NUP42: variants seen among roughly 807,000 people sequenced by gnomAD.
NUP42 encodes nucleoporin 42, also known as nucleoporin NUP42.
Under a neutral mutation model 35.9 loss-of-function variants are expected in NUP42, and 47 were observed. That is an observed-to-expected ratio of 1.31 (90% confidence interval 1.04 to 1.67). The LOEUF (loss-of-function observed/expected upper bound fraction) is 1.67. Among genes scored for constraint, NUP42 ranks in the 40% most tolerant of loss-of-function variants. The probability of loss-of-function intolerance (pLI) is 0.00; values close to 1 mark genes in which losing one functional copy is unlikely to be tolerated. For missense variants in NUP42, 514 were observed against 492.2 expected (o/e 1.04, Z -0.42); for synonymous variants, 173 against 173.3 (o/e 1.00, Z 0.01).
intron 2 of NUP42, among the ~76,000 whole-genome samples, chr7:23,186,392 T>C (rs1324999359): frequency 6.6e-6 from 1 of 152,212 alleles, no homozygotes; most frequent in African/African-American, 2.4e-5. Flanking sequence ...TTAATACAGT[T>C]TTCTCTGTGA....
rs370909417 is a variant in NUP42 at position 23,195,930 on chromosome 7, T to G, written c.522+15T>G. 4 of 1,514,278 alleles carry G rather than the reference T, an allele frequency of 2.6e-6. No individual in the cohort carries two copies. The African/African-American group carries it at 5.5e-5, about 21-fold the overall frequency. The allele number at this position is 1,514,278 out of a possible 1,614,324, so 93.8% of individuals were successfully genotyped here. A position where few individuals can be genotyped will look rare whatever the true frequency, so the allele number is the denominator to read the frequency against. ...TACAGAGTTATGTAAGTTTGTTTCC[T>G]ATTAATCTACTGCAATAACAGATGA... On this transcript the variant is annotated intron_variant, in intron 4 of 6. Transcript: ENST00000258742.
chr7:23,198,983 A>C (rs1226218298), intron 5 of NUP42, among the ~76,000 whole-genome samples: 2 of 152,186 alleles, frequency 1.3e-5, no homozygotes, highest in Non-Finnish European at 2.9e-5. Context: ...ACTAATGTAC[A>C]TTTTTTATGC....
chr7:23,195,116 G>A (rs535932856), intron 3 of NUP42: 2 of 152,244 alleles, frequency 1.3e-5, no homozygotes, highest in African/African-American at 2.4e-5. Flanking sequence ...CCTATAAATT[G>A]TATTATAAGT....
In NUP42 at chr7:23,200,364, G is replaced by A. The variant is rs776565063; in HGVS notation, c.891G>A (p.Ser297=). The part of the protein sequence containing the change: ...AFGFGKPEVT[S]AASFSFKSPA... ...GATTTGGGAAGCCTGAAGTCACATC[G>A]GCTGCATCATTTTCATTCAAAAGCC... The change falls in exon 7 of 7, where the codon TCG becomes TCA. Residue 297 remains serine, a synonymous_variant. Coordinates refer to ENST00000258742, the MANE Select transcript of NUP42 (RefSeq NM_007342.3). 1.6e-5 allele frequency: 26 copies of A among 1,613,090 alleles called. No individual in the cohort carries two copies. The highest frequency in any genetic ancestry group is 6.6e-5 in the South Asian group (6 of 90,978).
At position 23,185,069 on chromosome 7, in the gene NUP42, G is replaced by C. The variant is rs926004674; in HGVS notation, c.122-1G>C. 3.7e-6 allele frequency: 6 copies of C among 1,601,058 alleles called. No individual in the cohort carries two copies. Among genetic ancestry groups the C allele is most frequent in the Non-Finnish European group, 5.1e-6 (6 of 1,174,440 alleles). ...TTATTTTGTTTTATTGTTTATTTTA[G>C]GTAATAATAGACGTGGATGGAATAC... is the stretch of plus-strand genomic sequence containing the variant. On this transcript the variant is annotated splice_acceptor_variant, in intron 1 of 6. Transcript: ENST00000258742. LOFTEE classifies it high-confidence loss of function.
chr7:23,200,374 T>C lies in NUP42; in HGVS notation c.901T>C (p.Phe301Leu). Residue 301 changes from phenylalanine (F) to leucine (L), a missense_variant, in exon 7 of 7, where the codon TTT (phenylalanine) becomes CTT (leucine). Coordinates refer to ENST00000258742, the MANE Select transcript of NUP42 (RefSeq NM_007342.3). ...GKPEVTSAAS[F>L]SFKSPAASSF... Reference sequence around the variant, plus strand: ...GCCTGAAGTCACATCGGCTGCATCATTTTCATTCAAAAGCCCTGCAGCTTC... The same window carrying C: ...GCCTGAAGTCACATCGGCTGCATCACTTTCATTCAAAAGCCCTGCAGCTTC... The C allele has an allele frequency of 1.2e-6, 2 of 1,614,018 alleles. No individual in the cohort carries two copies. The highest frequency in any genetic ancestry group is 1.7e-6 in the Non-Finnish European group (2 of 1,179,952).
At chr7:23,196,582 T>C (rs1249393562) in intron 4 of NUP42, 98 bp from the exon 5 acceptor site, 2 of 873,946 alleles carry the variant, frequency 2.3e-6, no homozygotes, top group Non-Finnish European at 3.7e-6. Flanking sequence ...TACATAAACC[T>C]TTTGTGATTT....
At chr7:23,198,279 C>G (rs1786087797) in intron 5 of NUP42, 2 of 131,440 alleles carry the variant, frequency 1.5e-5, no homozygotes, top group African/African-American at 6.1e-5. Flanking sequence ...GTGGTGCCAT[C>G]TCAGCTCACT....
intron 3 of NUP42, chr7:23,188,038 A>G: frequency 7.2e-7 from 1 of 1,390,668 alleles, no homozygotes; most frequent in Non-Finnish European, 9.5e-7. Context: ...CATAGTCCCT[A>G]AGCCCTTTCT....
intron 1 of NUP42, among the ~76,000 whole-genome samples, chr7:23,183,612 C>T (rs10251439): frequency 2.0e-5 from 3 of 152,032 alleles, no homozygotes; most frequent in African/African-American, 7.3e-5. Context: ...CACAATTAAT[C>T]TAGTGAAATA....
intron 3 of NUP42, among the ~76,000 whole-genome samples, chr7:23,190,492 A>G (rs1007690405): frequency 1.3e-5 from 2 of 152,250 alleles, no homozygotes; most frequent in Non-Finnish European, 1.5e-5. Context: ...TTTTCATTTC[A>G]AATGTGGTAA....
chr7:23,197,069 G>T (rs996134986), intron 5 of NUP42: 1 of 502,000 alleles, frequency 2.0e-6, no homozygotes, highest in Non-Finnish European at 3.4e-6. Context: ...AAGGTTATCT[G>T]TATGTAAAAA....
rs750501148 is a variant in NUP42, at chr7:23,185,086, A to T, written c.138A>T (p.Gly46=). 6.2e-7 allele frequency: 1 copy of T among 1,612,986 alleles called. No individual in the cohort carries two copies. The highest frequency in any genetic ancestry group is 8.5e-7 in the Non-Finnish European group (1 of 1,179,330). ...QQQPSGNNRR[G]WNTTSQRYSN... Reference sequence around the variant, plus strand: ...TTATTTTAGGTAATAATAGACGTGGATGGAATACAACTAGCCAGAGATATT... The same window carrying T: ...TTATTTTAGGTAATAATAGACGTGGTTGGAATACAACTAGCCAGAGATATT... Residue 46 remains glycine (G), a synonymous_variant, in exon 2 of 7, where the codon GGA becomes GGT. Coordinates refer to ENST00000258742, the MANE Select transcript of NUP42 (RefSeq NM_007342.3).
intron 5 of NUP42, 55 bp from the exon 6 acceptor site, chr7:23,199,403 A>T: frequency 7.2e-7 from 1 of 1,384,414 alleles, no homozygotes; most frequent in Non-Finnish European, 1.0e-6. Flanking sequence ...TATAGAAAAG[A>T]TACTGGAGCA....
Position 23,187,039 on chromosome 7 carries a change from TTC to T in NUP42, c.351-11_351-10del. ...AAGATCCTTTACTCTTTTTTTTTTTTTCTTTTTTGCAGGGAAGGAATTGTAAA... is the reference window on the plus strand; with the variant it reads ...AAGATCCTTTACTCTTTTTTTTTTTTTTTTTTGCAGGGAAGGAATTGTAAA... On this transcript the variant is annotated splice_polypyrimidine_tract_variant and intron_variant, in intron 2 of 6. Coordinates refer to ENST00000258742, the MANE Select transcript of NUP42 (RefSeq NM_007342.3). The T allele has an allele frequency of 3.2e-6, 5 of 1,546,184 alleles. No homozygotes were observed. The highest frequency in any genetic ancestry group is 1.2e-5 in the South Asian group (1 of 81,400).
rs980382964 is a variant in NUP42 at position 23,195,765 on chromosome 7, G to C, written c.446-74G>C. On this transcript the variant is annotated intron_variant, in intron 3 of 6. Transcript: ENST00000258742. ...TCTAATCAACATTAGATATTTTCTT[G>C]TTTAGCACCTCTAGCTTTACTATCA... 6 of 919,960 alleles carry C rather than the reference G, an allele frequency of 6.5e-6. No individual in the cohort carries two copies. The African/African-American group carries it at 8.5e-5, about 13-fold the overall frequency. The allele number at this position is 919,960 out of a possible 1,614,324, so 57.0% of individuals were successfully genotyped here. A position where few individuals can be genotyped will look rare whatever the true frequency, so the allele number is the denominator to read the frequency against.
At chr7:23,197,287 T>G (rs779111142) in intron 5 of NUP42, 85 of 947,816 alleles carry the variant, frequency 9.0e-5, no homozygotes, top group Non-Finnish European at 1.2e-4. Context: ...ATTAAAAAGT[T>G]CTTAAGAATT....
chr7:23,196,494 A>G, intron 4 of NUP42, 186 bp from the exon 5 acceptor site: 1 of 541,140 alleles, frequency 1.8e-6, no homozygotes, highest in South Asian at 2.2e-5. Context: ...TGAACGGGAG[A>G]GGGAACTGGA....
intron 6 of NUP42, among the ~76,000 whole-genome samples, 168 bp from the exon 7 acceptor site, chr7:23,200,000 A>G (rs1786153878): frequency 6.6e-6 from 1 of 152,210 alleles, no homozygotes; most frequent in Non-Finnish European, 1.5e-5. Context: ...TTTAGTGGGT[A>G]GTTCTAGCCT....
Sources: allele counts gnomAD v4.1 joint callset (sites outside exome capture counted in the v4.1 genomes callset), GRCh38; gene constraint gnomAD v4.1.1; transcripts MANE v1.5; gene names NCBI Gene and HGNC (gene_info 2026-07-23, HGNC 2026-07-21).